PRAMEF4: variants seen among roughly 807,000 people sequenced by gnomAD.
PRAMEF4 encodes the protein PRAME family member 4.
PRAMEF4 carries 18 observed loss-of-function variants against 34.4 expected under a neutral mutation model. That is an observed-to-expected ratio of 0.52 (90% confidence interval 0.36 to 0.78). The LOEUF is 0.78. PRAMEF4 is among the 30% of genes least tolerant of loss of function. The pLI is 0.00. For synonymous variants in PRAMEF4, 156 were observed against 219.3 expected (o/e 0.71, Z 2.55); for missense variants, 482 against 569.1 (o/e 0.85, Z 1.56).
chr1:12,881,800 T>C (rs201490773), intron 3 of PRAMEF4, 54 bp downstream of exon 3: 24 of 1,541,672 alleles, frequency 1.6e-5, no homozygotes, highest in East Asian at 2.3e-5. Context: ...CACTAGTGTT[T>C]ACTGTAACAG....
intron 2 of PRAMEF4, 128 bp from the exon 3 acceptor site, chr1:12,882,563 T>C (rs28580205): frequency 2.7e-5 from 35 of 1,307,282 alleles, no homozygotes; most frequent in African/African-American, 1.4e-4. Flanking sequence ...TCACTCTGTT[T>C]TCCCCTTGGA....
chr1:12,881,953 A>T lies in PRAMEF4; in HGVS notation c.776T>A (p.Val259Asp). 6.3e-7 allele frequency: 1 copy of T among 1,591,322 alleles called. No individual in the cohort carries two copies. Reference sequence around the variant, plus strand: ...GAGGAACTGAGTGGTGAACTGGGTAACAATCTCCTTCTTCTGCTCTGGGGA... The same window carrying T: ...GAGGAACTGAGTGGTGAACTGGGTATCAATCTCCTTCTTCTGCTCTGGGGA... Reference protein sequence around the residue: ...YVSPEQKKEIVTQFTTQFLKL... With the variant: ...YVSPEQKKEIDTQFTTQFLKL... Residue 259 changes from valine to aspartate, a missense_variant, in exon 3 of 4, where the codon GTT becomes GAT. Val to Asp is a radical substitution (Grantham distance 152, BLOSUM62 -3). Around this residue, in one of 6 missense-constraint regions of PRAMEF4, gnomAD observed 81 missense variants for 73.1 expected, o/e 1.11. Coordinates refer to ENST00000235349, the MANE Select transcript of PRAMEF4 (RefSeq NM_001009611.4).
chr1:12,881,769 G>A, intron 3 of PRAMEF4, 85 bp downstream of exon 3: 1 of 1,579,240 alleles, frequency 6.3e-7, no homozygotes, highest in Non-Finnish European at 8.6e-7. Flanking sequence ...CATCCTCATA[G>A]GCTGGCTCAC....
chr1:12,879,441 T>C lies in PRAMEF4; in HGVS notation c.*103A>G, dbSNP rs2359051. ...CCACTTTCAGAGCCTATGTGTGAAA[T>C]GATGGGTTCTGTGCTCCCTTTAGGA... On this transcript the variant is annotated 3_prime_UTR_variant, in exon 4 of 4. Transcript: ENST00000235349. The C allele has an allele frequency of 7.8e-5, 58 of 748,094 alleles. 1 individual carries two copies. Among genetic ancestry groups the C allele is most frequent in the East Asian group, 3.7e-4 (14 of 37,804 alleles). The allele number at this position is 748,094 out of a possible 1,614,324, so 46.3% of individuals were successfully genotyped here. A position where few individuals can be genotyped will look rare whatever the true frequency, so the allele number is the denominator to read the frequency against.
At chr1:12,884,072 G>T (rs1465750256) in intron 1 of PRAMEF4, among the ~76,000 whole-genome samples, 1 of 146,100 alleles carries the variant, frequency 6.8e-6, no homozygotes, top group Non-Finnish European at 1.5e-5. Flanking sequence ...GTAGTGGTGG[G>T]ATCTCAGCTC....
intron 1 of PRAMEF4, 104 bp from the exon 2 acceptor site, chr1:12,883,514 A>G: frequency 3.5e-6 from 5 of 1,444,296 alleles, no homozygotes; most frequent in Non-Finnish European, 4.7e-6. Context: ...ATGGTGAAAG[A>G]GTCCTCAGTT....
At chr1:12,881,421 G>A (rs1640885164) in intron 3 of PRAMEF4, among the ~76,000 whole-genome samples, 1 of 149,078 alleles carries the variant, frequency 6.7e-6, no homozygotes, top group Non-Finnish European at 1.5e-5. Context: ...TTTCTGACAG[G>A]GGTCTTGGTA....
Position 12,883,148 on chromosome 1 carries a change from C to T in PRAMEF4, c.247G>A (p.Val83Met), listed in dbSNP as rs1456191036. Residue 83 changes from valine (V) to methionine (M), a missense_variant, in exon 2 of 4, where the codon GTG becomes ATG. Physicochemically the swap from Val to Met is conservative, Grantham distance 21. Transcript: ENST00000235349. ...KMPCLEAFQA[V>M]LDGLDALLNL... ...AGCAGTGCATCCAGCCCATCGAGCA[C>T]AGCTTGGAAGGCCTCCAGACAAGGC... The T allele has an allele frequency of 6.2e-7, 1 of 1,601,668 alleles. No homozygotes were observed. The highest frequency in any genetic ancestry group is 2.3e-5 in the East Asian group (1 of 44,344).
chr1:12,884,762 T>A (rs1349320195), intron 1 of PRAMEF4, among the ~76,000 whole-genome samples: 1 of 149,706 alleles, frequency 6.7e-6, no homozygotes, highest in African/African-American at 2.5e-5. Flanking sequence ...TCTACCCAGT[T>A]AATCCTTATT....
intron 1 of PRAMEF4, among the ~76,000 whole-genome samples, chr1:12,884,391 T>G (rs1569886602): frequency 6.7e-6 from 1 of 149,676 alleles, no homozygotes; most frequent in Admixed American, 6.9e-5. Context: ...GATAGATGTT[T>G]CCAATGCACA....
chr1:12,881,930 G>A lies in PRAMEF4; in HGVS notation c.799C>T (p.Leu267Phe). ...AGCTTTTGGAGGCAGCGCAGCTTGA[G>A]GAACTGAGTGGTGAACTGGGTAACA... ...EIVTQFTTQF[L>F]KLRCLQKLYM... The change falls in exon 3 of 4, where the codon CTC becomes TTC. Residue 267 changes from leucine (L) to phenylalanine (F), a missense_variant. By Grantham distance (22) the Leu-to-Phe change is conservative. Around this residue, in one of 6 missense-constraint regions of PRAMEF4, gnomAD observed 81 missense variants for 73.1 expected, o/e 1.11. Coordinates refer to ENST00000235349, the MANE Select transcript of PRAMEF4 (RefSeq NM_001009611.4). The A allele has an allele frequency of 6.3e-7, 1 of 1,593,006 alleles. No individual in the cohort carries two copies. The highest frequency in any genetic ancestry group is 8.5e-7 in the Non-Finnish European group (1 of 1,177,564).
chr1:12,885,803 G>A (rs1012703892), intron 1 of PRAMEF4, among the ~76,000 whole-genome samples: 4 of 145,270 alleles, frequency 2.8e-5, no homozygotes, highest in Non-Finnish European at 6.0e-5. Flanking sequence ...AAAAAAAAAC[G>A]TTGTGCAGAG....
In PRAMEF4 at chr1:12,883,318, G is replaced by T. The variant is rs752857215; in HGVS notation, c.77C>A (p.Ala26Asp). ...GRSLLRDQAL[A>D]MSTLEELPTE... ...GGGCAGCTCCTCCAGGGTGGACATG[G>T]CCAAAGCTTGGTCCCTTAGCAGGCT... is the stretch of plus-strand genomic sequence containing the variant. The change falls in exon 2 of 4, where the codon GCC (alanine) becomes GAC (aspartate). Residue 26 changes from alanine (A) to aspartate (D), a missense_variant. This residue lies in a region of PRAMEF4 where 172 missense variants were observed against 130.2 expected (regional missense o/e 1.32). Coordinates refer to ENST00000235349, the MANE Select transcript of PRAMEF4 (RefSeq NM_001009611.4). 5 of 1,599,932 alleles carry T rather than the reference G, an allele frequency of 3.1e-6. No homozygotes were observed. Among genetic ancestry groups the T allele is most frequent in the African/African-American group, 1.4e-5 (1 of 72,978 alleles).
At chr1:12,884,993 T>C (rs578002751) in intron 1 of PRAMEF4, among the ~76,000 whole-genome samples, 39 of 149,894 alleles carry the variant, frequency 2.6e-4, no homozygotes, top group Middle Eastern at 3.5e-3. Context: ...TGAAAGTATC[T>C]TTGTTGAGGG....
intron 1 of PRAMEF4, among the ~76,000 whole-genome samples, chr1:12,885,691 A>C (rs1640988293): frequency 6.8e-6 from 1 of 146,552 alleles, no homozygotes; most frequent in South Asian, 2.2e-4. Context: ...AGACTGAGGC[A>C]TGAGAATTGC....
In PRAMEF4 at chr1:12,879,887, A is replaced by G. The variant is rs767221681; in HGVS notation, c.1094T>C (p.Ile365Thr). 9.4e-6 allele frequency: 15 copies of G among 1,601,332 alleles called. No individual in the cohort carries two copies. The highest frequency in any genetic ancestry group is 4.5e-5 in the East Asian group (2 of 44,560). The stretch of plus-strand genomic sequence containing the variant: ...CAAGATGGCGTTGACTTGGGAGTCT[A>G]TGATGCCACAGTCATCTAAATCCAG... ...EYLDLDDCGIIDSQVNAILPA... is the reference protein window; with the variant it reads ...EYLDLDDCGITDSQVNAILPA... Residue 365 changes from isoleucine (I) to threonine (T), a missense_variant, in exon 4 of 4, where the codon ATA (isoleucine) becomes ACA (threonine). By Grantham distance (89) the Ile-to-Thr change is moderately conservative. Around this residue, in one of 6 missense-constraint regions of PRAMEF4, gnomAD observed 35 missense variants for 109.2 expected, o/e 0.32. Transcript: ENST00000235349.
chr1:12,884,031 CAG>C lies in PRAMEF4; in HGVS notation c.-16-623_-16-622del, dbSNP rs895908581. Among the ~76,000 whole-genome samples, 11 of 145,836 alleles carry C rather than the reference CAG, an allele frequency of 7.5e-5. No homozygotes were observed. In the East Asian group the frequency reaches 8.0e-4, roughly 11 times the overall value. On this transcript the variant is annotated intron_variant, in intron 1 of 3. Transcript: ENST00000235349. Reference sequence around the variant, plus strand: ...TCTCTCCCTCTCTCACTCTTTCTGACAGAGTCTTGCTGTGTCACCCAGCCTGG... The same window carrying C: ...TCTCTCCCTCTCTCACTCTTTCTGACAGTCTTGCTGTGTCACCCAGCCTGG...
At chr1:12,885,445 A>G (rs1640983829) in intron 1 of PRAMEF4, among the ~76,000 whole-genome samples, 1 of 149,574 alleles carries the variant, frequency 6.7e-6, no homozygotes, top group Non-Finnish European at 1.5e-5. Context: ...CTGCAGCCTC[A>G]ATCTTCTGGG....
Position 12,883,317 on chromosome 1 carries a change from G to T in PRAMEF4, c.78C>A (p.Ala26=). ...GRSLLRDQAL[A]MSTLEELPTE... is the part of the protein sequence containing the mutation. ...TGGGCAGCTCCTCCAGGGTGGACAT[G>T]GCCAAAGCTTGGTCCCTTAGCAGGC... The change falls in exon 2 of 4, where the codon GCC becomes GCA. Residue 26 remains alanine, a synonymous_variant. Transcript: ENST00000235349. 6.3e-7 allele frequency: 1 copy of T among 1,594,006 alleles called. No individual in the cohort carries two copies.
Sources: allele counts gnomAD v4.1 joint callset (sites outside exome capture counted in the v4.1 genomes callset), GRCh38; gene constraint gnomAD v4.1.1; regional missense constraint gnomAD v4.1.1; transcripts MANE v1.5; gene names NCBI Gene and HGNC (gene_info 2026-07-23, HGNC 2026-07-21).